BANK1: variants seen among roughly 807,000 people sequenced by gnomAD.
BANK1 encodes the protein B cell scaffold protein with ankyrin repeats 1.
Under a neutral mutation model 94.5 loss-of-function variants are expected in BANK1, and 95 were observed. The ratio of observed to expected loss-of-function variants is 1.00; its 90% CI spans 0.85 to 1.19. BANK1 has a LOEUF of 1.19. BANK1 is among the 50% of genes most tolerant of loss of function. The pLI, the probability that BANK1 is intolerant of heterozygous loss-of-function variation, is 0.00. For missense variants in BANK1, 987 were observed against 932.2 expected (o/e 1.06, Z -0.77); for synonymous variants, 334 against 308.4 (o/e 1.08, Z -0.87).
chr4:102,021,664 A>C, intron 8 of BANK1, 72 bp downstream of exon 8: 1 of 612,820 alleles, frequency 1.6e-6, no homozygotes, highest in Non-Finnish European at 2.5e-6. Flanking sequence ...GACTTATGGA[A>C]GATGTAACTG....
At chr4:101,851,520 A>G (rs1488991382) in intron 2 of BANK1, among the ~76,000 whole-genome samples, 1 of 152,136 alleles carries the variant, frequency 6.6e-6, no homozygotes, top group Non-Finnish European at 1.5e-5. Flanking sequence ...ATAATGAGTG[A>G]ATTTGGGTGG....
At chr4:101,829,735 A>C in intron 1 of BANK1, 73 bp from the exon 2 acceptor site, 1 of 1,062,732 alleles carries the variant, frequency 9.4e-7, no homozygotes, top group South Asian at 2.0e-5. Context: ...GAGCATATTA[A>C]AATTTTTGAG....
intron 2 of BANK1, among the ~76,000 whole-genome samples, chr4:101,834,735 A>G (rs1726760523): frequency 6.6e-6 from 1 of 152,214 alleles, no homozygotes; most frequent in African/African-American, 2.4e-5. Context: ...AAATTATACA[A>G]AGAATAAGGG....
intron 2 of BANK1, among the ~76,000 whole-genome samples, chr4:101,834,452 C>T (rs889584615): frequency 6.6e-6 from 1 of 152,172 alleles, no homozygotes; most frequent in Non-Finnish European, 1.5e-5. Flanking sequence ...TCCAAGTCTA[C>T]AAATGGTAGC....
rs757187931 is a variant in BANK1, at chr4:101,830,201, T to G, written c.464T>G (p.Phe155Cys). Reference sequence around the variant, plus strand: ...ATCTCTGTAATCCAGAGTATCATATTCAAAGGTAGTGTTGCCAAACCTTGT... The same window carrying G: ...ATCTCTGTAATCCAGAGTATCATATGCAAAGGTAGTGTTGCCAAACCTTGT... ...DYISVIQSII[F>C]KDSEDYFEVN... Residue 155 changes from phenylalanine to cysteine, a missense_variant, in exon 2 of 17, where the codon TTC (phenylalanine) becomes TGC (cysteine). Phe to Cys is a radical substitution (Grantham distance 205, BLOSUM62 -2). Transcript: ENST00000322953. The G allele has an allele frequency of 1.3e-6, 2 of 1,487,000 alleles. No homozygotes were observed. The highest frequency in any genetic ancestry group is 2.5e-5 in the Admixed American group (1 of 40,514). 92.1% of individuals were successfully genotyped at this position (1,487,000 alleles called of 1,614,324 possible).
Position 101,986,897 on chromosome 4 carries a change from G to GTATATATATATATA in BANK1, c.1207-34616_1207-34615insATATATATATATAT, listed in dbSNP as rs1377407537. ...TATGTGTGTGTGTGTGTGTGTGTGT[G>GTATATATATATATA]TGTATATATATATATATATATATAT... On this transcript the variant is annotated intron_variant, in intron 7 of 16. Transcript: ENST00000322953. Among the ~76,000 whole-genome samples, 79 of 58,032 alleles carry GTATATATATATATA rather than the reference G, an allele frequency of 1.4e-3. 8 individuals carry two copies. Among genetic ancestry groups the GTATATATATATATA allele is most frequent in the East Asian group, 6.1e-3 (17 of 2,796 alleles). 38.1% of individuals were successfully genotyped at this position (58,032 alleles called of 152,430 possible).
intron 4 of BANK1, among the ~76,000 whole-genome samples, chr4:101,864,565 AGATGCAGGTGT>A: frequency 6.6e-6 from 1 of 152,322 alleles, no homozygotes; most frequent in East Asian, 1.9e-4. Context: ...GCAAGGTGTT[AGATGCAGGTGT>A]GATACCTTTC....
intron 1 of BANK1, among the ~76,000 whole-genome samples, chr4:101,814,131 T>A (rs191343520): frequency 1.5e-3 from 236 of 152,322 alleles, no homozygotes; most frequent in African/African-American, 5.4e-3. Context: ...AGTGTCACTG[T>A]ACACAAATAC....
chr4:101,849,867 T>C (rs1249295227), intron 2 of BANK1, among the ~76,000 whole-genome samples: 1 of 152,232 alleles, frequency 6.6e-6, no homozygotes, highest in Non-Finnish European at 1.5e-5. Flanking sequence ...GCTCTGTTAC[T>C]TTATTCCTAG....
chr4:101,894,761 A>C (rs549204579), intron 5 of BANK1, among the ~76,000 whole-genome samples: 3 of 152,010 alleles, frequency 2.0e-5, no homozygotes, highest in Non-Finnish European at 1.5e-5. Flanking sequence ...CAAGATGCTT[A>C]GGTTAGAGAA....
chr4:101,965,087 A>G (rs1377709435), intron 7 of BANK1, among the ~76,000 whole-genome samples: 5 of 151,710 alleles, frequency 3.3e-5, no homozygotes, highest in Non-Finnish European at 5.9e-5. Flanking sequence ...CCTACAAAGG[A>G]CATGAACTCA....
Position 102,009,557 on chromosome 4 carries a change from G to A in BANK1, c.1207-11957G>A, listed in dbSNP as rs1726415398. ...TCTTGATTTATAGTAATTGTTAGGT[G>A]ACTTGCCACATTCCTCCTTGTAAAT... is the stretch of plus-strand genomic sequence containing the variant. On this transcript the variant is annotated intron_variant, in intron 7 of 16. Transcript: ENST00000322953. Among the ~76,000 whole-genome samples the A allele has an allele frequency of 2.0e-5, 3 of 152,108 alleles. 1 individual carries two copies. Among genetic ancestry groups the A allele is most frequent in the Admixed American group, 6.5e-5 (1 of 15,270 alleles).
At chr4:101,933,540 G>A (rs1436973188) in intron 7 of BANK1, among the ~76,000 whole-genome samples, 2 of 151,428 alleles carry the variant, frequency 1.3e-5, no homozygotes, top group Non-Finnish European at 3.0e-5. Flanking sequence ...CTCTTCACAA[G>A]TATATCATCA....
intron 5 of BANK1, among the ~76,000 whole-genome samples, chr4:101,891,924 G>A (rs977722078): frequency 3.3e-5 from 5 of 151,654 alleles, no homozygotes; most frequent in Non-Finnish European, 5.9e-5. Context: ...GATTATAATT[G>A]CTTGCTGAAC....
chr4:101,954,116 T>G (rs1724260768), intron 7 of BANK1, among the ~76,000 whole-genome samples: 1 of 152,168 alleles, frequency 6.6e-6, no homozygotes, highest in Non-Finnish European at 1.5e-5. Flanking sequence ...TGCCTCGGTC[T>G]TCACAATATG....
At chr4:102,048,886 T>G (rs1348754755) in intron 11 of BANK1, among the ~76,000 whole-genome samples, 2 of 152,222 alleles carry the variant, frequency 1.3e-5, no homozygotes, top group African/African-American at 4.8e-5. Flanking sequence ...CAACTCAGTT[T>G]CCACATTTTG....
intron 7 of BANK1, among the ~76,000 whole-genome samples, 190 bp downstream of exon 7, chr4:101,918,379 A>T (rs1364640776): frequency 6.6e-6 from 1 of 151,932 alleles, no homozygotes; most frequent in African/African-American, 2.4e-5. Flanking sequence ...CAAAAAGTCT[A>T]CCCAATAAAA....
At chr4:101,986,867 G>GTATATA (rs1560668327) in intron 7 of BANK1, among the ~76,000 whole-genome samples, 1 of 62,952 alleles carries the variant, frequency 1.6e-5, no homozygotes, top group African/African-American at 9.7e-5. Flanking sequence ...ATATATATAT[G>GTATATA]TGTGTATGTG....
chr4:102,013,353 C>T (rs1726573681), intron 7 of BANK1, among the ~76,000 whole-genome samples: 1 of 152,052 alleles, frequency 6.6e-6, no homozygotes, highest in Non-Finnish European at 1.5e-5. Context: ...TCATTTTATG[C>T]TGGGAGAAGG....
Sources: allele counts gnomAD v4.1 joint callset (sites outside exome capture counted in the v4.1 genomes callset), GRCh38; gene constraint gnomAD v4.1.1; transcripts MANE v1.5; gene names NCBI Gene and HGNC (gene_info 2026-07-23, HGNC 2026-07-21).